Variants in FAM204A observed in about 807,000 individuals in gnomAD.
FAM204A encodes protein FAM204A.
In FAM204A, 16 loss-of-function variants were observed where a neutral mutation model predicts 35.4. The ratio of observed to expected loss-of-function variants is 0.45; its 90% confidence interval spans 0.31 to 0.69. The LOEUF is 0.69. Among genes scored for constraint, FAM204A ranks in the 30% least tolerant of loss-of-function variants. FAM204A has a pLI of 0.07. For synonymous variants in FAM204A, 76 were observed against 86.9 expected (o/e 0.88, Z 0.70); for missense variants, 240 against 265.7 (o/e 0.90, Z 0.67).
At chr10:118,338,462 A>G (rs564229537) in intron 2 of FAM204A, among the ~76,000 whole-genome samples, 1 of 152,324 alleles carries the variant, frequency 6.6e-6, no homozygotes, top group African/African-American at 2.4e-5. Context: ...TAAAACAGTA[A>G]CAAATTTCAG....
rs909875176 is a variant in FAM204A at position 118,307,396 on chromosome 10, A to C, written c.*3461T>G. On this transcript the variant is annotated 3_prime_UTR_variant, in exon 9 of 9. Transcript: ENST00000369183. ...GTTGGCAGGAAAAAATATTGAACTG[A>C]CATGCAAAGCATTTGTTGCTCTGCC... 1.3e-5 allele frequency: 2 copies of C among 152,254 alleles called. No homozygotes were observed. Among genetic ancestry groups the C allele is most frequent in the African/African-American group, 4.8e-5 (2 of 41,468 alleles). 9.4% of individuals were successfully genotyped at this position (152,254 alleles called of 1,614,324 possible).
intron 7 of FAM204A, 28 bp downstream of exon 7, chr10:118,326,126 C>T (rs745551380): frequency 1.3e-6 from 2 of 1,556,554 alleles, no homozygotes; most frequent in South Asian, 1.2e-5. Context: ...TTTGAAAATA[C>T]AGAAAATGTG....
chr10:118,315,532 T>C (rs1846017033), intron 7 of FAM204A, among the ~76,000 whole-genome samples: 1 of 152,180 alleles, frequency 6.6e-6, no homozygotes, highest in Admixed American at 6.5e-5. Flanking sequence ...GAAAAATATT[T>C]ATGCCATTCT....
chr10:118,311,576 A>C (rs918519911), intron 7 of FAM204A: 2 of 332,160 alleles, frequency 6.0e-6, no homozygotes, highest in African/African-American at 4.3e-5. Flanking sequence ...GAGGGTCCAC[A>C]AAGGTAGTAA....
Position 118,299,507 on chromosome 10 carries a change from G to A in FAM204A, c.*11350C>T, listed in dbSNP as rs774136171. Reference sequence around the variant, plus strand: ...AGTAATCCTCCCACCTTAGCCTCCCGAGTAGCTGGGGGACTACAGGGGTGT... The same window carrying A: ...AGTAATCCTCCCACCTTAGCCTCCCAAGTAGCTGGGGGACTACAGGGGTGT... On this transcript the variant is annotated 3_prime_UTR_variant, in exon 9 of 9. Coordinates refer to ENST00000369183, the MANE Select transcript of FAM204A (RefSeq NM_022063.3). 2.1e-5 allele frequency: 3 copies of A among 145,206 alleles called. No homozygotes were observed. Among genetic ancestry groups the A allele is most frequent in the Non-Finnish European group, 4.5e-5 (3 of 67,184 alleles). The allele number at this position is 145,206 out of a possible 1,614,324, so 9.0% of individuals were successfully genotyped here. A position where few individuals can be genotyped will look rare whatever the true frequency, so the allele number is the denominator to read the frequency against.
chr10:118,335,504 G>C (rs559206327), intron 4 of FAM204A, 50 bp downstream of exon 4: 1 of 1,602,452 alleles, frequency 6.2e-7, no homozygotes, highest in Admixed American at 1.7e-5. Flanking sequence ...GTTAAACTCA[G>C]TCACAACTTA....
intron 6 of FAM204A, among the ~76,000 whole-genome samples, chr10:118,331,106 T>G (rs1318766968): frequency 1.3e-5 from 2 of 152,182 alleles, no homozygotes; most frequent in South Asian, 2.1e-4. Flanking sequence ...ACAGACTGCA[T>G]TATACTTCTT....
intron 1 of FAM204A, 66 bp downstream of exon 1, chr10:118,342,204 C>T (rs1430063565): frequency 3.3e-5 from 5 of 152,330 alleles, no homozygotes; most frequent in Non-Finnish European, 5.9e-5. Flanking sequence ...CACAAGAGGC[C>T]CTCCCAGACT....
chr10:118,321,974 T>C (rs1252043175), intron 7 of FAM204A, among the ~76,000 whole-genome samples: 1 of 152,076 alleles, frequency 6.6e-6, no homozygotes, highest in Non-Finnish European at 1.5e-5. Context: ...CAAGTCCCAA[T>C]TGTCCAGATT....
At position 118,336,358 on chromosome 10, in the gene FAM204A, C is replaced by A; in HGVS notation, c.58G>T (p.Glu20Ter). ...GAGTTCTCCAACGTAGCTTCATCTT[C>A]CGAGTTTGACTCAGCGTCACTTTCA... The part of the protein sequence containing the change: ...LNESDAESNS[E>*]DEATLENSGL... Residue 20 changes from glutamate (E) to a stop codon, truncating the protein, a stop_gained, in exon 3 of 9, where the codon GAA becomes TAA. Coordinates refer to ENST00000369183, the MANE Select transcript of FAM204A (RefSeq NM_022063.3). LOFTEE classifies it high-confidence loss of function. 2 of 1,613,912 alleles carry A rather than the reference C, an allele frequency of 1.2e-6. No homozygotes were observed. Among genetic ancestry groups the A allele is most frequent in the East Asian group, 4.5e-5 (2 of 44,880 alleles).
chr10:118,333,243 A>C (rs1846320670), intron 6 of FAM204A, among the ~76,000 whole-genome samples: 1 of 152,190 alleles, frequency 6.6e-6, no homozygotes, highest in African/African-American at 2.4e-5. Flanking sequence ...ACCATCCTAG[A>C]GGGTTGAGTG....
In FAM204A at chr10:118,307,733, T is replaced by C. The variant is rs1253997922; in HGVS notation, c.*3124A>G. The C allele has an allele frequency of 1.3e-5, 2 of 152,186 alleles. No homozygotes were observed. Among genetic ancestry groups the C allele is most frequent in the Non-Finnish European group, 2.9e-5 (2 of 68,016 alleles). The allele number at this position is 152,186 out of a possible 1,614,324, so 9.4% of individuals were successfully genotyped here. ...ATTCAAACTTGTCTTATTAAAGTTA[T>C]TAATAAGCTAAAAGATAATATTTTA... On this transcript the variant is annotated 3_prime_UTR_variant, in exon 9 of 9. Transcript: ENST00000369183.
chr10:118,341,299 C>A (rs1297368750), intron 2 of FAM204A, among the ~76,000 whole-genome samples: 1 of 152,120 alleles, frequency 6.6e-6, no homozygotes, highest in Non-Finnish European at 1.5e-5. Flanking sequence ...TTCCAGAAGC[C>A]TGAACTTCGT....
chr10:118,326,467 G>T, intron 6 of FAM204A: 1 of 469,312 alleles, frequency 2.1e-6, no homozygotes. Context: ...AAAATAAGAC[G>T]CAAATCCAGA....
intron 7 of FAM204A, among the ~76,000 whole-genome samples, chr10:118,316,129 T>C (rs972187912): frequency 1.3e-5 from 2 of 152,108 alleles, no homozygotes; most frequent in African/African-American, 4.8e-5. Flanking sequence ...TGAAATAACA[T>C]ACAAAGTTCA....
At chr10:118,325,048 T>C (rs1419228128) in intron 7 of FAM204A, among the ~76,000 whole-genome samples, 1 of 152,008 alleles carries the variant, frequency 6.6e-6, no homozygotes, top group Non-Finnish European at 1.5e-5. Context: ...AAGTATTTAA[T>C]GTGACAAATG....
intron 7 of FAM204A, among the ~76,000 whole-genome samples, chr10:118,323,599 C>T (rs1194864225): frequency 6.6e-6 from 1 of 152,078 alleles, no homozygotes; most frequent in Admixed American, 6.6e-5. Context: ...TCTTGAGCCA[C>T]TCCTCACTAT....
At chr10:118,336,746 G>A (rs1846395510) in intron 2 of FAM204A, among the ~76,000 whole-genome samples, 2 of 152,046 alleles carry the variant, frequency 1.3e-5, no homozygotes, top group Non-Finnish European at 2.9e-5. Flanking sequence ...ATGAAATTCA[G>A]TAAAGCATTG....
chr10:118,312,571 AT>A (rs1187239358), intron 7 of FAM204A, among the ~76,000 whole-genome samples: 1 of 152,176 alleles, frequency 6.6e-6, no homozygotes, highest in East Asian at 1.9e-4. Context: ...GCAAAAATAG[AT>A]TTGATTTTTC....
Sources: allele counts gnomAD v4.1 joint callset (sites outside exome capture counted in the v4.1 genomes callset), GRCh38; gene constraint gnomAD v4.1.1; transcripts MANE v1.5; gene names NCBI Gene and HGNC (gene_info 2026-07-23, HGNC 2026-07-21).